The following BEND2 variants were observed in gnomAD, a reference collection of about 807,000 sequenced individuals.
The protein encoded by BEND2 is BEN domain containing 2, also known as BEN domain-containing protein 2.
BEND2 carries 19 observed loss-of-function variants against 43.8 expected under a neutral mutation model. The ratio of observed to expected loss-of-function variants is 0.43; its 90% confidence interval spans 0.30 to 0.64. The LOEUF is 0.64. Ranked by LOEUF, BEND2 falls within the 30% of genes least tolerant of loss-of-function variation. The pLI is 0.11. For synonymous variants in BEND2, 226 were observed against 210.1 expected (o/e 1.08, Z -0.66); for missense variants, 544 against 574.0 (o/e 0.95, Z 0.53).
In BEND2 at chrX:18,190,091, G is replaced by A. The variant is rs751553390; in HGVS notation, c.1288+910C>T. ...GAACATACAAAATGCTGGTAAGAAC[G>A]CAGAGAAACTGAATCACTCATACAC... On this transcript the variant is annotated intron_variant, in intron 8 of 13. Transcript: ENST00000380033. Among the ~76,000 whole-genome samples the A allele has an allele frequency of 1.7e-4, 19 of 108,950 alleles. No homozygotes were observed. The South Asian group carries it at 5.7e-3, about 33-fold the overall frequency. The allele number at this position is 108,950 out of a possible 115,157, so 94.6% of individuals were successfully genotyped here. A position where few individuals can be genotyped will look rare whatever the true frequency, so the allele number is the denominator to read the frequency against.
intron 8 of BEND2, among the ~76,000 whole-genome samples, chrX:18,183,516 AT>A (rs1440120312): frequency 1.8e-5 from 2 of 112,542 alleles, no homozygotes; most frequent in Non-Finnish European, 3.8e-5. Context: ...AAGCACCTTA[AT>A]AAGAAATCCA....
At chrX:18,185,533 A>AAATAATAAT (rs141832867) in intron 8 of BEND2, among the ~76,000 whole-genome samples, 4 of 88,117 alleles carry the variant, frequency 4.5e-5, no homozygotes, top group African/African-American at 8.2e-5. Flanking sequence ...TCAGTCGCAA[A>AAATAATAAT]AATAATAATA....
chrX:18,218,588 CG>C (rs1452804143), intron 1 of BEND2, among the ~76,000 whole-genome samples: 2 of 112,722 alleles, frequency 1.8e-5, no homozygotes, highest in African/African-American at 6.4e-5. Flanking sequence ...GATGGCCGGG[CG>C]TGGTGGCTCT....
intron 4 of BEND2, among the ~76,000 whole-genome samples, chrX:18,209,955 T>C (rs1925455176): frequency 9.0e-6 from 1 of 111,249 alleles, no homozygotes; most frequent in African/African-American, 3.3e-5. Context: ...AGGGAAGCTG[T>C]GTCAAGCATA....
chrX:18,218,176 C>G (rs1210931993), intron 1 of BEND2, among the ~76,000 whole-genome samples: 1 of 110,499 alleles, frequency 9.0e-6, no homozygotes, highest in Non-Finnish European at 1.9e-5. Flanking sequence ...ACTAGATATG[C>G]TTGTGAAATA....
At chrX:18,186,940 C>A (rs1924594151) in intron 8 of BEND2, among the ~76,000 whole-genome samples, 1 of 105,828 alleles carries the variant, frequency 9.4e-6, no homozygotes. Flanking sequence ...GCACTCCCGC[C>A]TGGGCAACAG....
chrX:18,201,396 C>CAAAAAAAAAAAAAAAAAAA (rs1227049211), intron 6 of BEND2, among the ~76,000 whole-genome samples: 2 of 20,624 alleles, frequency 9.7e-5, no homozygotes, highest in African/African-American at 6.8e-4. Context: ...AACTCCATCT[C>CAAAAAAAAAAAAAAAAAAA]AAAAAAAAAA....
At position 18,177,560 on chromosome X, in the gene BEND2, T is replaced by C. The variant is rs777956842; in HGVS notation, c.1630+9A>G. The C allele has an allele frequency of 1.7e-6, 2 of 1,201,152 alleles. No homozygotes were observed. The highest frequency in any genetic ancestry group is 1.8e-5 in the South Asian group (1 of 56,626). The stretch of plus-strand genomic sequence containing the variant: ...AATAAGATTCCATTATCACTTTATG[T>C]ACACATACCTCTCAATGCAGCCATT... On this transcript the variant is annotated intron_variant, in intron 10 of 13. Coordinates refer to ENST00000380033, the MANE Select transcript of BEND2 (RefSeq NM_153346.5).
In BEND2 at chrX:18,203,649, A is replaced by G; in HGVS notation, c.759T>C (p.Ala253=). Residue 253 remains alanine (A), a synonymous_variant, in exon 5 of 14, where the codon GCT becomes GCC. Transcript: ENST00000380033. ...STNAVISFAN[A]TTAVPMAVLS... is the part of the protein sequence containing the mutation. ...GAACTGCCATAGGTACTGCTGTAGT[A>G]GCATTGGCAAATGAGATGACAGCAT... 1 of 1,211,683 alleles carries G rather than the reference A, an allele frequency of 8.3e-7. No homozygotes were observed. The highest frequency in any genetic ancestry group is 1.1e-6 in the Non-Finnish European group (1 of 895,268).
chrX:18,199,286 G>A (rs1925063831), intron 6 of BEND2, among the ~76,000 whole-genome samples: 1 of 111,829 alleles, frequency 8.9e-6, no homozygotes, highest in Admixed American at 9.5e-5. Context: ...GGCAAACAAA[G>A]TGAGATTGCT....
At chrX:18,211,784 G>GA (rs766206442) in intron 4 of BEND2, among the ~76,000 whole-genome samples, 182 of 92,073 alleles carry the variant, frequency 2.0e-3, no homozygotes, top group East Asian at 3.4e-3. Context: ...CTCCATCTCA[G>GA]AAAAAAAAAA....
At position 18,194,682 on chromosome X, in the gene BEND2, G is replaced by GA. The variant is rs767506364; in HGVS notation, c.1180+613dup. On this transcript the variant is annotated intron_variant, in intron 7 of 13. Coordinates refer to ENST00000380033, the MANE Select transcript of BEND2 (RefSeq NM_153346.5). The stretch of plus-strand genomic sequence containing the variant: ...CAGCAATAGGAATAAACTATTAATA[G>GA]AAAAAACAACCTGGACGAGTCTCTA... Among the ~76,000 whole-genome samples the GA allele has an allele frequency of 3.5e-3, 386 of 111,422 alleles. 3 individuals carry two copies. Among genetic ancestry groups the GA allele is most frequent in the African/African-American group, 0.011 (352 of 30,751 alleles).
At chrX:18,170,824 T>C in intron 13 of BEND2, 177 bp downstream of exon 13, 1 of 908,541 alleles carries the variant, frequency 1.1e-6, no homozygotes, top group Admixed American at 3.5e-5. Context: ...AGAACCCAAA[T>C]GCAGAGAGAA....
At chrX:18,166,927 C>G (rs1430881926) in intron 13 of BEND2, among the ~76,000 whole-genome samples, 1 of 109,829 alleles carries the variant, frequency 9.1e-6, no homozygotes, top group African/African-American at 3.3e-5. Flanking sequence ...TGAAACCCAT[C>G]TATTGACTGA....
chrX:18,186,051 TAAC>T (rs1924558867), intron 8 of BEND2, among the ~76,000 whole-genome samples: 2 of 111,928 alleles, frequency 1.8e-5, no homozygotes, highest in African/African-American at 6.5e-5. Flanking sequence ...TTACTGGTAA[TAAC>T]AACACACAGA....
intron 8 of BEND2, among the ~76,000 whole-genome samples, chrX:18,189,054 G>C (rs1924668977): frequency 9.1e-6 from 1 of 109,907 alleles, no homozygotes; most frequent in Non-Finnish European, 1.9e-5. Context: ...CAGAAAATTG[G>C]CCAGGCATGG....
rs1048220376 is a variant in BEND2 at position 18,195,210 on chromosome X, A to G, written c.1180+86T>C. 6.9e-6 allele frequency: 7 copies of G among 1,007,816 alleles called. No homozygotes were observed. In the Admixed American group the frequency reaches 2.2e-4, roughly 32 times the overall value. The allele number at this position is 1,007,816 out of a possible 1,213,427, so 83.1% of individuals were successfully genotyped here. Reference sequence around the variant, plus strand: ...CTCAATATGAAAAGTTTAATTTGTAAAAAGCTACCACTAAGAATTAATATT... The same window carrying G: ...CTCAATATGAAAAGTTTAATTTGTAGAAAGCTACCACTAAGAATTAATATT... On this transcript the variant is annotated intron_variant, in intron 7 of 13. Coordinates refer to ENST00000380033, the MANE Select transcript of BEND2 (RefSeq NM_153346.5).
chrX:18,178,685 AT>A (rs1924268855), intron 9 of BEND2, among the ~76,000 whole-genome samples: 1 of 111,128 alleles, frequency 9.0e-6, no homozygotes, highest in African/African-American at 3.3e-5. Flanking sequence ...CATCCCAGGC[AT>A]TGTGTTAAGA....
intron 7 of BEND2, among the ~76,000 whole-genome samples, chrX:18,194,263 T>A (rs1273956686): frequency 3.6e-5 from 4 of 111,938 alleles, no homozygotes; most frequent in African/African-American, 1.3e-4. Context: ...ACTCAGCAAT[T>A]GTTCTCTTGG....
Sources: allele counts gnomAD v4.1 joint callset (sites outside exome capture counted in the v4.1 genomes callset), GRCh38; gene constraint gnomAD v4.1.1; transcripts MANE v1.5; gene names NCBI Gene and HGNC (gene_info 2026-07-23, HGNC 2026-07-21).